The following SH3GL1 variants were observed in gnomAD, a reference collection of about 807,000 sequenced individuals.
The protein encoded by SH3GL1 is endophilin-A2.
A neutral mutation model predicts 48.8 loss-of-function variants in SH3GL1; 21 were observed. The observed-to-expected ratio is 0.43, with a 90% CI of 0.30 to 0.62. The LOEUF (loss-of-function observed/expected upper bound fraction) is 0.62. Ranked by LOEUF, SH3GL1 falls within the 20% of genes least tolerant of loss-of-function variation. The pLI is 0.11. For missense variants in SH3GL1, 454 were observed against 503.0 expected (o/e 0.90, Z 0.93); for synonymous variants, 282 against 217.5 (o/e 1.30, Z -2.61).
chr19:4,381,443 G>C, intron 1 of SH3GL1, among the ~76,000 whole-genome samples: 1 of 77,800 alleles, frequency 1.3e-5, no homozygotes, highest in South Asian at 4.5e-4. Context: ...CTGCCTCTCT[G>C]TCCCCCTACC....
In SH3GL1 at chr19:4,369,033, CTG is replaced by C. The variant is rs1972841563; in HGVS notation, c.46-2041_46-2040del. Among the ~76,000 whole-genome samples the C allele has an allele frequency of 2.0e-5, 3 of 152,070 alleles. No individual in the cohort carries two copies. The South Asian group carries it at 6.2e-4, about 32-fold the overall frequency. On this transcript the variant is annotated intron_variant, in intron 1 of 9. Coordinates refer to ENST00000269886, the MANE Select transcript of SH3GL1 (RefSeq NM_003025.4). ...CTTGCAGTCAGCAGAGATCCAGCCA[CTG>C]CACTCCAGCCTAGGCGACAGAGCAA...
intron 1 of SH3GL1, among the ~76,000 whole-genome samples, chr19:4,374,672 C>T (rs957539312): frequency 6.6e-6 from 1 of 152,248 alleles, no homozygotes; most frequent in African/African-American, 2.4e-5. Context: ...GGTCCGCATG[C>T]TGCCCTTCCC....
chr19:4,364,890 GTGTGTGTGTATATA>G (rs1248735489), intron 4 of SH3GL1, among the ~76,000 whole-genome samples: 13 of 102,872 alleles, frequency 1.3e-4, no homozygotes, highest in East Asian at 5.0e-4. Context: ...GTGTGTGTGT[GTGTGTGTGTATATA>G]TATATATATA....
Position 4,362,753 on chromosome 19 carries a change from G to C in SH3GL1, c.729-17C>G. 6 of 1,613,566 alleles carry C rather than the reference G, an allele frequency of 3.7e-6. No individual in the cohort carries two copies. Among genetic ancestry groups the C allele is most frequent in the South Asian group, 3.3e-5 (3 of 91,090 alleles). ...TCCCGCATCCTGTGAAGGGAGAGGCGTGAGTGGACCGAGCCCGTGTCACGG... is the reference window on the plus strand; with the variant it reads ...TCCCGCATCCTGTGAAGGGAGAGGCCTGAGTGGACCGAGCCCGTGTCACGG... On this transcript the variant is annotated splice_polypyrimidine_tract_variant and intron_variant, in intron 7 of 9. Transcript: ENST00000269886.
chr19:4,388,540 G>T (rs557092666), intron 1 of SH3GL1, among the ~76,000 whole-genome samples: 150 of 152,380 alleles, frequency 9.8e-4, no homozygotes, highest in African/African-American at 3.2e-3. Context: ...CAGCAACTGG[G>T]CACAGAGGCC....
intron 1 of SH3GL1, among the ~76,000 whole-genome samples, chr19:4,368,945 G>A (rs1972839363): frequency 6.6e-6 from 1 of 152,190 alleles, no homozygotes; most frequent in African/African-American, 2.4e-5. Flanking sequence ...GATGGCGGGT[G>A]CCTGTAGTCC....
intron 1 of SH3GL1, among the ~76,000 whole-genome samples, chr19:4,372,527 G>C (rs947814560): frequency 6.6e-6 from 1 of 152,194 alleles, no homozygotes; most frequent in South Asian, 2.1e-4. Context: ...AGGGAGGGAC[G>C]TAAGGATCCC....
intron 1 of SH3GL1, among the ~76,000 whole-genome samples, chr19:4,385,559 T>C (rs1339373711): frequency 6.6e-6 from 1 of 152,222 alleles, no homozygotes; most frequent in South Asian, 2.1e-4. Flanking sequence ...CAGCACTCTT[T>C]CCTTCCGGGC....
intron 1 of SH3GL1, among the ~76,000 whole-genome samples, chr19:4,399,944 C>T (rs974349522): frequency 3.9e-5 from 6 of 152,192 alleles, no homozygotes; most frequent in Non-Finnish European, 7.3e-5. Context: ...CTGCTCTAGA[C>T]GCAACTTTTC....
rs760204458 is a variant in SH3GL1, at chr19:4,361,486, G to C, written c.*114C>G. On this transcript the variant is annotated 3_prime_UTR_variant, in exon 10 of 10. Coordinates refer to ENST00000269886, the MANE Select transcript of SH3GL1 (RefSeq NM_003025.4). ...GTACCTCAAGGGCCGGGGCCCAGGTGGCGCCGGCAGGCTCAGACACCGCCC... is the reference window on the plus strand; with the variant it reads ...GTACCTCAAGGGCCGGGGCCCAGGTCGCGCCGGCAGGCTCAGACACCGCCC... The C allele has an allele frequency of 3.9e-6, 3 of 765,098 alleles. No individual in the cohort carries two copies. Among genetic ancestry groups the C allele is most frequent in the Non-Finnish European group, 6.3e-6 (3 of 472,798 alleles). 47.4% of individuals were successfully genotyped at this position (765,098 alleles called of 1,614,324 possible).
chr19:4,381,957 A>G (rs1973142725), intron 1 of SH3GL1, among the ~76,000 whole-genome samples: 1 of 151,944 alleles, frequency 6.6e-6, no homozygotes, highest in South Asian at 2.1e-4. Context: ...ACTTACAGCC[A>G]CACACGACGT....
intron 1 of SH3GL1, among the ~76,000 whole-genome samples, chr19:4,399,728 G>A (rs996922650): frequency 2.0e-5 from 3 of 152,298 alleles, no homozygotes; most frequent in South Asian, 2.1e-4. Context: ...ACAGCACACA[G>A]GATTCTGTGG....
chr19:4,374,637 G>A (rs974515675), intron 1 of SH3GL1, among the ~76,000 whole-genome samples: 4 of 152,234 alleles, frequency 2.6e-5, no homozygotes, highest in South Asian at 2.1e-4. Flanking sequence ...CCTGGCCCTC[G>A]TCTGCATTGA....
chr19:4,385,746 T>C (rs967846673), intron 1 of SH3GL1, among the ~76,000 whole-genome samples: 1 of 152,084 alleles, frequency 6.6e-6, no homozygotes, highest in African/African-American at 2.4e-5. Context: ...GGGAGAACAC[T>C]GGAAAAATAC....
At chr19:4,364,866 T>TGTGTG (rs1972729372) in intron 4 of SH3GL1, among the ~76,000 whole-genome samples, 2 of 97,168 alleles carry the variant, frequency 2.1e-5, no homozygotes, top group East Asian at 3.0e-4. Flanking sequence ...ACCCGGCTAA[T>TGTGTG]TGTGTGTGTG....
At chr19:4,374,916 G>T (rs1016310386) in intron 1 of SH3GL1, among the ~76,000 whole-genome samples, 1 of 152,174 alleles carries the variant, frequency 6.6e-6, no homozygotes, top group Non-Finnish European at 1.5e-5. Flanking sequence ...CTCCCTCACC[G>T]CCCGTCTGGC....
intron 1 of SH3GL1, chr19:4,395,990 G>A (rs920470451): frequency 1.3e-5 from 2 of 151,958 alleles, no homozygotes; most frequent in African/African-American, 2.4e-5. Flanking sequence ...TGTTTATGGT[G>A]GATCTAGCTC....
At chr19:4,387,352 G>A (rs918439339) in intron 1 of SH3GL1, among the ~76,000 whole-genome samples, 3 of 152,160 alleles carry the variant, frequency 2.0e-5, no homozygotes, top group African/African-American at 7.2e-5. Context: ...AGGCTGGAGG[G>A]CAGCGGCATG....
intron 1 of SH3GL1, among the ~76,000 whole-genome samples, chr19:4,373,923 G>T (rs1017215227): frequency 6.6e-6 from 1 of 152,264 alleles, no homozygotes; most frequent in South Asian, 2.1e-4. Flanking sequence ...CGCCTTGGGG[G>T]TGCGTTTCTG....
Sources: gnomAD v4.1 joint callset for allele counts (sites outside exome capture counted in the v4.1 genomes callset) on GRCh38, gnomAD v4.1.1 for gene constraint, MANE v1.5 for transcripts, NCBI Gene and HGNC (gene_info 2026-07-23, HGNC 2026-07-21) for gene names.